FBRSL1: variants seen among roughly 807,000 people sequenced by gnomAD.
FBRSL1 encodes fibrosin-1-like protein.
FBRSL1 carries 51 observed loss-of-function variants against 89.6 expected under a neutral mutation model. The ratio of observed to expected loss-of-function variants is 0.57; its 90% CI spans 0.45 to 0.72. The LOEUF (loss-of-function observed/expected upper bound fraction) is 0.72. FBRSL1 is among the 30% of genes least tolerant of loss of function. FBRSL1 has a pLI of 0.00. For missense variants in FBRSL1, 1,618 were observed against 1,451.8 expected (o/e 1.11, Z -1.86); for synonymous variants, 779 against 681.1 (o/e 1.14, Z -2.24).
At chr12:132,509,522 C>A in intron 2 of FBRSL1, 1 of 1,234,934 alleles carries the variant, frequency 8.1e-7, no homozygotes, top group Non-Finnish European at 1.0e-6. Context: ...ATTGGGCACT[C>A]CCAGGCCCCA....
Position 132,571,220 on chromosome 12 carries a change from C to T in FBRSL1, c.1366C>T (p.Arg456Trp), listed in dbSNP as rs1257855494. 3 of 1,454,270 alleles carry T rather than the reference C, an allele frequency of 2.1e-6. No individual in the cohort carries two copies. Among genetic ancestry groups the T allele is most frequent in the Admixed American group, 2.4e-5 (1 of 40,952 alleles). 90.1% of individuals were successfully genotyped at this position (1,454,270 alleles called of 1,614,324 possible). The change falls in exon 9 of 19, where the codon CGG becomes TGG. Residue 456 changes from arginine to tryptophan, a missense_variant. By Grantham distance (101) the Arg-to-Trp change is moderately radical. Coordinates refer to ENST00000680143, the MANE Select transcript of FBRSL1 (RefSeq NM_001367871.1). ...SGHPGLACRP[R>W]ECQFDKYAPK... is the part of the protein sequence containing the mutation. ...CCACCCCGGCTTGGCCTGCCGACCC[C>T]GGGAGTGCCAGGTGACTATCCGCCT...
At chr12:132,526,734 G>C (rs1010825575) in intron 3 of FBRSL1, among the ~76,000 whole-genome samples, 1 of 152,144 alleles carries the variant, frequency 6.6e-6, no homozygotes, top group African/African-American at 2.4e-5. Context: ...CCCCTCAGAG[G>C]GGGTGTTGGA....
rs1183794783 is a variant in FBRSL1 at position 132,584,423 on chromosome 12, T to G, written c.*645T>G. On this transcript the variant is annotated 3_prime_UTR_variant, in exon 19 of 19. Coordinates refer to ENST00000680143, the MANE Select transcript of FBRSL1 (RefSeq NM_001367871.1). ...GACGTTACTAAATTCTTAATCTAGA[T>G]AGACTTTATAAAAACCGTTTCCAGA... The G allele has an allele frequency of 6.6e-6, 1 of 152,246 alleles. No homozygotes were observed. The highest frequency in any genetic ancestry group is 1.5e-5 in the Non-Finnish European group (1 of 68,042). The allele number at this position is 152,246 out of a possible 1,614,324, so 9.4% of individuals were successfully genotyped here.
At chr12:132,567,648 A>G in intron 6 of FBRSL1, 122 bp downstream of exon 6, 1 of 1,034,918 alleles carries the variant, frequency 9.7e-7, no homozygotes, top group East Asian at 2.6e-5. Context: ...TGGGGTGCAG[A>G]GCTGGGTGGG....
At chr12:132,540,616 C>T (rs2037178141) in intron 4 of FBRSL1, among the ~76,000 whole-genome samples, 1 of 152,060 alleles carries the variant, frequency 6.6e-6, no homozygotes. Flanking sequence ...GACCCGCCCA[C>T]CACACACTGT....
chr12:132,572,173 C>A, intron 9 of FBRSL1, 115 bp from the exon 10 acceptor site: 2 of 939,630 alleles, frequency 2.1e-6, no homozygotes, highest in Non-Finnish European at 3.2e-6. Context: ...AGCCGCCAGC[C>A]TCAGGAAGCA....
intron 5 of FBRSL1, chr12:132,560,039 G>A (rs2038981316): frequency 6.7e-6 from 1 of 150,212 alleles, no homozygotes; most frequent in African/African-American, 2.4e-5. Context: ...CGCACCGAGC[G>A]CCGCCCAGAG....
At chr12:132,541,318 G>A (rs761496753) in intron 4 of FBRSL1, among the ~76,000 whole-genome samples, 1 of 152,214 alleles carries the variant, frequency 6.6e-6, no homozygotes, top group Non-Finnish European at 1.5e-5. Context: ...TGCCAGTACC[G>A]TGGATGGCCA....
chr12:132,550,557 C>T (rs573583885), intron 5 of FBRSL1, among the ~76,000 whole-genome samples: 13 of 152,240 alleles, frequency 8.5e-5, no homozygotes, highest in Middle Eastern at 3.4e-3. Flanking sequence ...GCCCGTCAGC[C>T]TGTCCGTCTG....
chr12:132,569,684 A>AC (rs1436663824), intron 6 of FBRSL1, among the ~76,000 whole-genome samples: 15 of 151,010 alleles, frequency 9.9e-5, no homozygotes, highest in Non-Finnish European at 2.2e-4. Context: ...TGGGCTACCC[A>AC]CCCCCACCCC....
chr12:132,570,405 C>T lies in FBRSL1; in HGVS notation c.1078C>T (p.Leu360=). ...SLSPHGPGPH[L]STSHLALRSQ... ...GTCGCCACACGGGCCGGGCCCCCAC[C>T]TGTCTACCTCACACCTGGCGCTCCG... The change falls in exon 8 of 19, where the codon CTG becomes TTG. Residue 360 remains leucine (L), a synonymous_variant. Transcript: ENST00000680143. 1 of 1,535,016 alleles carries T rather than the reference C, an allele frequency of 6.5e-7. No individual in the cohort carries two copies.
At chr12:132,576,547 G>A (rs184487370) in intron 14 of FBRSL1, among the ~76,000 whole-genome samples, 16 of 152,306 alleles carry the variant, frequency 1.1e-4, no homozygotes, top group East Asian at 5.8e-4. Context: ...CCATGACAGC[G>A]TAGCATCCCA....
intron 2 of FBRSL1, among the ~76,000 whole-genome samples, chr12:132,520,543 T>C (rs564161142): frequency 6.6e-6 from 1 of 152,174 alleles, no homozygotes; most frequent in African/African-American, 2.4e-5. Context: ...CAGAGCAGGA[T>C]GCAGTCGCTG....
Position 132,583,349 on chromosome 12 carries a change from G to T in FBRSL1, c.2580G>T (p.Leu860=). 1 of 1,149,346 alleles carries T rather than the reference G, an allele frequency of 8.7e-7. No homozygotes were observed. The highest frequency in any genetic ancestry group is 1.1e-6 in the Non-Finnish European group (1 of 932,770). 71.2% of individuals were successfully genotyped at this position (1,149,346 alleles called of 1,614,324 possible). ...GGGAGCCTTTCCGCGGCCTGGAGCT[G>T]CCACGTCGCGCCTTCCCCGCTGCCG... The part of the protein sequence containing the change: ...FAWEPFRGLE[L]PRRAFPAAAP... The change falls in exon 19 of 19, where the codon CTG becomes CTT. Residue 860 remains leucine (L), a synonymous_variant. Coordinates refer to ENST00000680143, the MANE Select transcript of FBRSL1 (RefSeq NM_001367871.1).
chr12:132,541,593 A>G (rs935272378), intron 4 of FBRSL1, among the ~76,000 whole-genome samples: 1 of 152,234 alleles, frequency 6.6e-6, no homozygotes, highest in Non-Finnish European at 1.5e-5. Flanking sequence ...GATTCACAGG[A>G]CTGAGGCGGC....
chr12:132,554,864 C>T (rs1252063461), intron 5 of FBRSL1: 1 of 152,228 alleles, frequency 6.6e-6, no homozygotes, highest in Non-Finnish European at 1.5e-5. Context: ...GGATGGTCAC[C>T]TGAACCCCGG....
In FBRSL1 at chr12:132,508,188, G is replaced by C; in HGVS notation, c.327G>C (p.Glu109Asp). ...CCCTGAAGCCACATGAGCGGAAGGA[G>C]AAGTGGGAGCGTCGTCTCATCAAGA... is the stretch of plus-strand genomic sequence containing the variant. ...DMALKPHERK[E>D]KWERRLIKKP... is the part of the protein sequence containing the mutation. The change falls in exon 2 of 19, where the codon GAG becomes GAC. Residue 109 changes from glutamate (E) to aspartate (D), a missense_variant. Transcript: ENST00000680143. 6.4e-7 allele frequency: 1 copy of C among 1,551,248 alleles called. No individual in the cohort carries two copies. Among genetic ancestry groups the C allele is most frequent in the Non-Finnish European group, 8.7e-7 (1 of 1,146,946 alleles).
At chr12:132,504,578 G>A (rs964182513) in intron 1 of FBRSL1, among the ~76,000 whole-genome samples, 6 of 152,086 alleles carry the variant, frequency 3.9e-5, no homozygotes, top group African/African-American at 1.2e-4. Context: ...GTGGTGCCAC[G>A]GGTGCTGACC....
intron 6 of FBRSL1, among the ~76,000 whole-genome samples, chr12:132,569,619 G>A (rs56189386): frequency 0.033 from 4,956 of 152,250 alleles, 114 homozygotes; most frequent in Non-Finnish European, 0.046. Flanking sequence ...CCTGTCCAGG[G>A]ACTGACTCTT....
Sources: gnomAD v4.1 joint callset for allele counts (sites outside exome capture counted in the v4.1 genomes callset) on GRCh38, gnomAD v4.1.1 for gene constraint, MANE v1.5 for transcripts, NCBI Gene and HGNC (gene_info 2026-07-23, HGNC 2026-07-21) for gene names.